NYAP2: variants seen among roughly 807,000 people sequenced by gnomAD.
NYAP2 encodes neuronal tyrosine-phosphorylated phosphoinositide-3-kinase adapter 2.
NYAP2 carries 23 observed loss-of-function variants against 50.4 expected under a neutral mutation model. The ratio of observed to expected loss-of-function variants is 0.46; its 90% confidence interval spans 0.33 to 0.65. The LOEUF is 0.65. Ranked by LOEUF, NYAP2 falls within the 30% of genes least tolerant of loss-of-function variation. The pLI is 0.02. For missense variants in NYAP2, 885 were observed against 861.0 expected (o/e 1.03, Z -0.35); for synonymous variants, 394 against 365.2 (o/e 1.08, Z -0.90).
At chr2:225,495,074 T>C (rs1225982963) in intron 3 of NYAP2, among the ~76,000 whole-genome samples, 1 of 152,218 alleles carries the variant, frequency 6.6e-6, no homozygotes, top group African/African-American at 2.4e-5. Context: ...CATGTGTGCT[T>C]ATTTTAATAA....
At chr2:225,669,044 T>A in the NYAP2 span, among the ~76,000 whole-genome samples, 1 of 139,258 alleles carries the variant, frequency 7.2e-6, no homozygotes, top group Non-Finnish European at 1.5e-5. Flanking sequence ...TAATAGAGGA[T>A]GATTAAGGAC....
intron 4 of NYAP2, among the ~76,000 whole-genome samples, chr2:225,533,093 C>A (rs955637529): frequency 6.6e-6 from 1 of 152,172 alleles, no homozygotes; most frequent in Non-Finnish European, 1.5e-5. Context: ...GCACCTACCC[C>A]AAACTAGAAG....
chr2:225,415,401 A>G (rs1191437495), intron 3 of NYAP2, among the ~76,000 whole-genome samples: 1 of 152,196 alleles, frequency 6.6e-6, no homozygotes, highest in Admixed American at 6.6e-5. Context: ...TGGCTATGAT[A>G]TCCAAGTTTT....
chr2:225,553,102 G>A (rs999893154), intron 4 of NYAP2, among the ~76,000 whole-genome samples: 1 of 152,214 alleles, frequency 6.6e-6, no homozygotes, highest in African/African-American at 2.4e-5. Context: ...CCAGAAGCTT[G>A]CAGGAAGGGC....
intron 4 of NYAP2, among the ~76,000 whole-genome samples, chr2:225,549,163 G>A (rs1415915155): frequency 6.6e-6 from 1 of 152,140 alleles, no homozygotes; most frequent in African/African-American, 2.4e-5. Flanking sequence ...TTACAGGTGT[G>A]AGCCACCATG....
chr2:225,413,243 A>G (rs1367147058), intron 3 of NYAP2, among the ~76,000 whole-genome samples: 1 of 152,198 alleles, frequency 6.6e-6, no homozygotes, highest in Non-Finnish European at 1.5e-5. Context: ...GTGTGAGGAC[A>G]GAGATAGTAT....
At chr2:225,620,901 G>A (rs1426349366) in intron 5 of NYAP2, among the ~76,000 whole-genome samples, 1 of 152,082 alleles carries the variant, frequency 6.6e-6, no homozygotes, top group Non-Finnish European at 1.5e-5. Context: ...GGATCACGAG[G>A]GCGGGAGATC....
chr2:225,627,151 A>G, intron 6 of NYAP2, 25 bp downstream of exon 6: 1 of 1,520,066 alleles, frequency 6.6e-7, no homozygotes, highest in Non-Finnish European at 9.0e-7. Flanking sequence ...GATCTTCCAG[A>G]AGGTAATTCC....
chr2:225,666,670 G>C, the NYAP2 span, among the ~76,000 whole-genome samples: 2 of 152,048 alleles, frequency 1.3e-5, no homozygotes, highest in African/African-American at 2.4e-5. Flanking sequence ...TGGAGACCAA[G>C]GTTCTTTTGA....
intron 6 of NYAP2, among the ~76,000 whole-genome samples, chr2:225,637,807 A>G (rs181189999): frequency 6.6e-6 from 1 of 152,288 alleles, no homozygotes; most frequent in Admixed American, 6.5e-5. Flanking sequence ...GAAAAGGAGA[A>G]CTGGGAGGGA....
chr2:225,600,695 T>C (rs772899701), intron 5 of NYAP2, among the ~76,000 whole-genome samples: 1 of 152,194 alleles, frequency 6.6e-6, no homozygotes, highest in Non-Finnish European at 1.5e-5. Context: ...GCTTTCATTC[T>C]TCCCAACTAA....
intron 4 of NYAP2, among the ~76,000 whole-genome samples, chr2:225,523,775 C>G (rs2106192814): frequency 6.6e-6 from 1 of 152,052 alleles, no homozygotes; most frequent in Middle Eastern, 3.4e-3. Flanking sequence ...TTAAAAGGAA[C>G]AAAACTGGGG....
intron 4 of NYAP2, among the ~76,000 whole-genome samples, chr2:225,545,419 G>A (rs146556128): frequency 6.6e-5 from 10 of 151,800 alleles, no homozygotes; most frequent in African/African-American, 1.4e-4. Context: ...TTTTCAAATA[G>A]CCTGTATTTG....
At chr2:225,547,991 G>A (rs1691613729) in intron 4 of NYAP2, among the ~76,000 whole-genome samples, 1 of 151,812 alleles carries the variant, frequency 6.6e-6, no homozygotes, top group African/African-American at 2.4e-5. Context: ...ATTGAAGTTG[G>A]CCCTCATTTA....
At chr2:225,437,106 C>G (rs1422356945) in intron 3 of NYAP2, among the ~76,000 whole-genome samples, 1 of 151,930 alleles carries the variant, frequency 6.6e-6, no homozygotes, top group Non-Finnish European at 1.5e-5. Flanking sequence ...ATATATAGCA[C>G]CCAAGCAATA....
At chr2:225,664,449 T>C in the NYAP2 span, among the ~76,000 whole-genome samples, 4 of 152,220 alleles carry the variant, frequency 2.6e-5, no homozygotes, top group Non-Finnish European at 4.4e-5. Flanking sequence ...ACTGTTATAA[T>C]AACTTGCAGA....
rs74448927 is a variant in NYAP2 at position 225,572,977 on chromosome 2, A to C, written c.524-8964A>C. Among the ~76,000 whole-genome samples the C allele has an allele frequency of 9.2e-3, 1,401 of 152,242 alleles. 34 individuals carry two copies. The highest frequency in any genetic ancestry group is 0.032 in the African/African-American group (1,345 of 41,544). On this transcript the variant is annotated intron_variant, in intron 4 of 6. Coordinates refer to ENST00000636099, the Ensembl canonical transcript of NYAP2. Reference sequence around the variant, plus strand: ...CCAGATTTTTGACTAGAAAGAATGTAATCTTTTTCTATCTCCTCTCTGAAT... The same window carrying C: ...CCAGATTTTTGACTAGAAAGAATGTCATCTTTTTCTATCTCCTCTCTGAAT...
chr2:225,514,319 C>T lies in NYAP2; in HGVS notation c.523+647C>T, dbSNP rs944650711. Among the ~76,000 whole-genome samples, 16 of 152,354 alleles carry T rather than the reference C, an allele frequency of 1.1e-4. No individual in the cohort carries two copies. The South Asian group carries it at 1.2e-3, about 12-fold the overall frequency. On this transcript the variant is annotated intron_variant, in intron 4 of 6. Coordinates refer to ENST00000636099, the Ensembl canonical transcript of NYAP2. The stretch of plus-strand genomic sequence containing the variant: ...CTTACTGAATTTAGTAGAGTCTCAG[C>T]TTCCCTGAGTTACTCCTGAGAATTC...
chr2:225,454,263 T>C (rs1689700964), intron 3 of NYAP2, among the ~76,000 whole-genome samples: 1 of 152,064 alleles, frequency 6.6e-6, no homozygotes, highest in South Asian at 2.1e-4. Flanking sequence ...CCCAGGAGAT[T>C]GAGGCTGCAA....
Sources: gnomAD v4.1 joint callset for allele counts (sites outside exome capture counted in the v4.1 genomes callset) on GRCh38, gnomAD v4.1.1 for gene constraint, MANE v1.5 for transcripts, NCBI Gene and HGNC (gene_info 2026-07-23, HGNC 2026-07-21) for gene names.